The following DENND1A variants were observed in gnomAD, a reference collection of about 807,000 sequenced individuals.
The protein encoded by DENND1A is DENN domain-containing protein 1A.
In DENND1A, 51 loss-of-function variants were observed where a neutral mutation model predicts 113.7. The ratio of observed to expected loss-of-function variants is 0.45; its 90% CI spans 0.36 to 0.57. The LOEUF is 0.57. Ranked by LOEUF, DENND1A falls within the 20% of genes least tolerant of loss-of-function variation. The probability of loss-of-function intolerance (pLI) is 0.00; values close to 1 mark genes in which losing one functional copy is unlikely to be tolerated. For missense variants in DENND1A, 1,258 were observed against 1,395.9 expected, an observed-to-expected ratio of 0.90 and a Z score of 1.57; for synonymous variants, 565 against 570.8, an observed-to-expected ratio of 0.99 and a Z score of 0.14.
intron 13 of DENND1A, among the ~76,000 whole-genome samples, chr9:123,493,714 G>GT (rs2134030553): frequency 6.6e-6 from 1 of 152,264 alleles, no homozygotes; most frequent in African/African-American, 2.4e-5. Flanking sequence ...TGCCCCTAGT[G>GT]GTACCGAAGA....
intron 12 of DENND1A, among the ~76,000 whole-genome samples, chr9:123,581,419 A>G (rs2058887967): frequency 6.6e-6 from 1 of 152,090 alleles, no homozygotes; most frequent in African/African-American, 2.4e-5. Context: ...AGATTGCTTG[A>G]GCCCAGGAGT....
At chr9:123,701,920 G>C (rs1317940640) in intron 5 of DENND1A, among the ~76,000 whole-genome samples, 1 of 152,180 alleles carries the variant, frequency 6.6e-6, no homozygotes, top group Non-Finnish European at 1.5e-5. Flanking sequence ...TGACTACAAG[G>C]ATCAGGGAAA....
chr9:123,862,102 A>T (rs600704), intron 2 of DENND1A, among the ~76,000 whole-genome samples: 18,935 of 151,868 alleles, frequency 0.12, 1,540 homozygotes, highest in African/African-American at 0.23. Context: ...ATAAAAAAAA[A>T]TTTTTTTTTA....
intron 5 of DENND1A, chr9:123,751,642 G>A: frequency 6.6e-6 from 1 of 152,400 alleles, no homozygotes; most frequent in Non-Finnish European, 1.5e-5. Flanking sequence ...CGCCCCAGAA[G>A]CACTCACAAT....
chr9:123,465,566 CA>C (rs1486949246), intron 13 of DENND1A, among the ~76,000 whole-genome samples: 1 of 152,134 alleles, frequency 6.6e-6, no homozygotes, highest in Non-Finnish European at 1.5e-5. Context: ...AGATGATAAA[CA>C]AATAGATTCT....
chr9:123,501,400 C>T (rs1381002683), intron 13 of DENND1A, among the ~76,000 whole-genome samples: 1 of 152,222 alleles, frequency 6.6e-6, no homozygotes, highest in Non-Finnish European at 1.5e-5. Context: ...CTGCTCTGAA[C>T]ATGGGTACCA....
At chr9:123,847,108 G>A (rs1842730919) in intron 2 of DENND1A, among the ~76,000 whole-genome samples, 1 of 152,168 alleles carries the variant, frequency 6.6e-6, no homozygotes, top group Non-Finnish European at 1.5e-5. Context: ...CTCCCAAAGT[G>A]CTAGGTTACT....
At chr9:123,832,121 T>C (rs1004309388) in intron 2 of DENND1A, among the ~76,000 whole-genome samples, 1 of 152,138 alleles carries the variant, frequency 6.6e-6, no homozygotes, top group Admixed American at 6.5e-5. Context: ...CAATTAAAAA[T>C]AATATTAACT....
intron 2 of DENND1A, among the ~76,000 whole-genome samples, chr9:123,835,609 G>T (rs1480577935): frequency 6.9e-6 from 1 of 145,904 alleles, no homozygotes; most frequent in Non-Finnish European, 1.5e-5. Flanking sequence ...ACTACTATTC[G>T]TTTACCTAAC....
chr9:123,788,383 CAA>C (rs1832513264), intron 3 of DENND1A, among the ~76,000 whole-genome samples: 1 of 151,816 alleles, frequency 6.6e-6, no homozygotes. Context: ...GTTTTGAGAC[CAA>C]AGATGGGATT....
chr9:123,699,922 T>A (rs1262882889), intron 5 of DENND1A, among the ~76,000 whole-genome samples: 1 of 152,136 alleles, frequency 6.6e-6, no homozygotes, highest in Non-Finnish European at 1.5e-5. Flanking sequence ...GGTCTCAAAC[T>A]CCCAACCTCA....
At chr9:123,687,832 A>G (rs1305867174) in intron 5 of DENND1A, among the ~76,000 whole-genome samples, 1 of 152,192 alleles carries the variant, frequency 6.6e-6, no homozygotes, top group Non-Finnish European at 1.5e-5. Flanking sequence ...TTCTGTGGAA[A>G]AGCTTCACGG....
chr9:123,416,548 G>A (rs1424424744), intron 19 of DENND1A, among the ~76,000 whole-genome samples: 1 of 152,228 alleles, frequency 6.6e-6, no homozygotes, highest in Non-Finnish European at 1.5e-5. Context: ...CCCTGGCCGG[G>A]TTGAAATGTG....
chr9:123,544,515 T>C (rs1056864741), intron 13 of DENND1A, among the ~76,000 whole-genome samples: 8 of 152,302 alleles, frequency 5.3e-5, no homozygotes, highest in Admixed American at 1.3e-4. Context: ...GTAATCACCA[T>C]TGTGGAGTGC....
intron 13 of DENND1A, among the ~76,000 whole-genome samples, chr9:123,511,727 A>G (rs777574213): frequency 1.4e-4 from 22 of 152,324 alleles, no homozygotes; most frequent in South Asian, 1.0e-3. Flanking sequence ...TGCCGTGAGC[A>G]TTACAGAAGG....
At chr9:123,700,290 G>C (rs188855787) in intron 5 of DENND1A, among the ~76,000 whole-genome samples, 28 of 152,316 alleles carry the variant, frequency 1.8e-4, no homozygotes, top group Admixed American at 1.7e-3. Context: ...GGAAAAAAAG[G>C]CCTGGTGGTA....
At chr9:123,925,524 A>G (rs2134214026) in intron 1 of DENND1A, among the ~76,000 whole-genome samples, 1 of 151,796 alleles carries the variant, frequency 6.6e-6, no homozygotes, top group East Asian at 1.9e-4. Flanking sequence ...TCTGGAAGGG[A>G]TTGTTTTTGT....
intron 19 of DENND1A, among the ~76,000 whole-genome samples, chr9:123,438,903 G>C (rs1011864856): frequency 1.3e-5 from 2 of 152,190 alleles, no homozygotes; most frequent in African/African-American, 4.8e-5. Context: ...TTCGAAAATG[G>C]AATGTTTAAC....
intron 11 of DENND1A, among the ~76,000 whole-genome samples, chr9:123,586,134 A>C (rs1371152311): frequency 6.6e-6 from 1 of 151,978 alleles, no homozygotes; most frequent in Non-Finnish European, 1.5e-5. Context: ...TCCAGGACAC[A>C]ACAGAGGACC....
Sources: allele counts gnomAD v4.1 joint callset (sites outside exome capture counted in the v4.1 genomes callset), GRCh38; gene constraint gnomAD v4.1.1; transcripts MANE v1.5; gene names NCBI Gene and HGNC (gene_info 2026-07-23, HGNC 2026-07-21).